Variants in NME7 observed in about 807,000 individuals in gnomAD.
NME7 encodes the protein NME/NM23 family member 7.
In NME7, 41 loss-of-function variants were observed where a neutral mutation model predicts 49.1. The ratio of observed to expected loss-of-function variants is 0.83; its 90% confidence interval spans 0.65 to 1.08. NME7 has a LOEUF of 1.08. NME7 is among the 50% of genes least tolerant of loss of function. NME7 has a pLI of 0.00. For synonymous variants in NME7, 139 were observed against 150.6 expected, an observed-to-expected ratio of 0.92 and a Z score of 0.56; for missense variants, 423 against 463.4, an observed-to-expected ratio of 0.91 and a Z score of 0.80.
At chr1:169,330,700 C>G (rs1437914331) in intron 1 of NME7, among the ~76,000 whole-genome samples, 1 of 151,730 alleles carries the variant, frequency 6.6e-6, no homozygotes, top group African/African-American at 2.4e-5. Flanking sequence ...TAAATAAAAT[C>G]CATTACAAAT....
intron 1 of NME7, among the ~76,000 whole-genome samples, chr1:169,348,383 A>G (rs1270551026): frequency 1.3e-5 from 2 of 150,048 alleles, no homozygotes; most frequent in Non-Finnish European, 3.0e-5. Context: ...AAAAAAACCC[A>G]CATTTTCAAG....
intron 10 of NME7, among the ~76,000 whole-genome samples, chr1:169,226,417 G>T (rs780199976): frequency 1.3e-5 from 2 of 152,104 alleles, no homozygotes; most frequent in Non-Finnish European, 2.9e-5. Flanking sequence ...AGAAAAGGGG[G>T]AAAGAAAAGA....
chr1:169,227,163 T>C (rs1289932482), intron 10 of NME7, among the ~76,000 whole-genome samples: 1 of 152,290 alleles, frequency 6.6e-6, no homozygotes, highest in East Asian at 1.9e-4. Flanking sequence ...GAGACTCTTC[T>C]TTCTATGATC....
intron 1 of NME7, among the ~76,000 whole-genome samples, chr1:169,357,056 T>TTTTTTGGA (rs1653491426): frequency 6.6e-6 from 1 of 152,090 alleles, no homozygotes; most frequent in Non-Finnish European, 1.5e-5. Flanking sequence ...ACAGCAAACA[T>TTTTTTGGA]TTTTTGGATG....
rs147705735 is a variant in NME7 at position 169,289,746 on chromosome 1, C to T, written c.649-2338G>A. On this transcript the variant is annotated intron_variant, in intron 6 of 11. Transcript: ENST00000367811. ...CCCAGATTTTCAAGTACCATATTTA[C>T]CTATGCTGAATAAATATTTATTTAT... is the stretch of plus-strand genomic sequence containing the variant. 2.2e-3 allele frequency among the ~76,000 whole-genome samples: 341 copies of T among 152,178 alleles called. 1 individual carries two copies. The highest frequency in any genetic ancestry group is 3.5e-3 in the Non-Finnish European group (237 of 68,002).
At chr1:169,175,864 C>A (rs954971614) in intron 10 of NME7, among the ~76,000 whole-genome samples, 4 of 152,108 alleles carry the variant, frequency 2.6e-5, no homozygotes, top group African/African-American at 7.2e-5. Flanking sequence ...AACAATGTTA[C>A]AATCATTGTC....
chr1:169,193,822 A>G (rs1306029183), intron 10 of NME7, among the ~76,000 whole-genome samples: 2 of 152,168 alleles, frequency 1.3e-5, no homozygotes, highest in African/African-American at 4.8e-5. Context: ...TATTTATTCT[A>G]AGAATAAAAA....
chr1:169,145,309 C>T (rs559573278), intron 11 of NME7, among the ~76,000 whole-genome samples: 42 of 152,294 alleles, frequency 2.8e-4, no homozygotes, highest in Non-Finnish European at 4.7e-4. Flanking sequence ...AGAAGAATTA[C>T]CATTCATTAC....
rs1039539368 is a variant in NME7, at chr1:169,256,615, G to A, written c.755-18928C>T. 1.4e-3 allele frequency among the ~76,000 whole-genome samples: 183 copies of A among 127,872 alleles called. 49 individuals carry two copies. Among genetic ancestry groups the A allele is most frequent in the Non-Finnish European group, 6.3e-4 (35 of 55,356 alleles). 83.9% of individuals were successfully genotyped at this position (127,872 alleles called of 152,430 possible). A position where few individuals can be genotyped will look rare whatever the true frequency, so the allele number is the denominator to read the frequency against. On this transcript the variant is annotated intron_variant, in intron 7 of 11. Coordinates refer to ENST00000367811, the MANE Select transcript of NME7 (RefSeq NM_013330.5). ...TGTTCCGTTGCCGGTGAGGAACTGC[G>A]TTCCTTTGGAGGAGGAGAGGCGCTC...
intron 7 of NME7, among the ~76,000 whole-genome samples, chr1:169,281,340 A>T (rs1416294312): frequency 6.6e-6 from 1 of 152,220 alleles, no homozygotes; most frequent in East Asian, 1.9e-4. Flanking sequence ...TATCAGCATA[A>T]GGAGGTTTTG....
intron 10 of NME7, among the ~76,000 whole-genome samples, chr1:169,190,258 G>A (rs1475521186): frequency 6.6e-6 from 1 of 151,972 alleles, no homozygotes; most frequent in Non-Finnish European, 1.5e-5. Flanking sequence ...ACACTATGCA[G>A]CTGTTAACAA....
At chr1:169,248,876 G>A (rs768773528) in intron 7 of NME7, among the ~76,000 whole-genome samples, 2 of 130,284 alleles carry the variant, frequency 1.5e-5, no homozygotes, top group African/African-American at 2.6e-5. Context: ...TGTAACTACA[G>A]CCTTGTGGCA....
intron 7 of NME7, among the ~76,000 whole-genome samples, chr1:169,258,989 C>T (rs1017030554): frequency 4.5e-5 from 6 of 133,554 alleles, no homozygotes; most frequent in East Asian, 2.0e-4. Flanking sequence ...ACCATTACTG[C>T]GAGTAAGGTC....
intron 10 of NME7, among the ~76,000 whole-genome samples, chr1:169,200,193 C>T (rs1313129593): frequency 1.3e-5 from 2 of 151,902 alleles, no homozygotes; most frequent in Admixed American, 6.6e-5. Context: ...CACTATATAA[C>T]GTGATAAGCA....
At chr1:169,294,571 A>C (rs1358889643) in intron 6 of NME7, among the ~76,000 whole-genome samples, 1 of 152,134 alleles carries the variant, frequency 6.6e-6, no homozygotes, top group African/African-American at 2.4e-5. Context: ...TCAATTTTTT[A>C]AGACCTGTGG....
At chr1:169,143,031 G>T (rs934378521) in intron 11 of NME7, among the ~76,000 whole-genome samples, 2 of 152,076 alleles carry the variant, frequency 1.3e-5, no homozygotes, top group African/African-American at 4.8e-5. Flanking sequence ...AAAGTACATG[G>T]TATCAATGTA....
chr1:169,294,515 A>G (rs1250654295), intron 6 of NME7, among the ~76,000 whole-genome samples: 18 of 152,202 alleles, frequency 1.2e-4, no homozygotes, highest in Admixed American at 1.2e-3. Flanking sequence ...TTCAAGGTAA[A>G]GAAGAGGCTG....
chr1:169,350,780 T>C (rs1219805432), intron 1 of NME7, among the ~76,000 whole-genome samples: 1 of 152,110 alleles, frequency 6.6e-6, no homozygotes. Context: ...ATTTCTTTCC[T>C]TCGTTTGGAA....
In NME7 at chr1:169,198,209, C is replaced by T. The variant is rs115906540; in HGVS notation, c.991-28655G>A. On this transcript the variant is annotated intron_variant, in intron 10 of 11. Coordinates refer to ENST00000367811, the MANE Select transcript of NME7 (RefSeq NM_013330.5). ...AATTAAAAAGTCATACTAACATATA[C>T]TGGTGAGAATATGGAGAAGTGAGAA... 2.0e-3 allele frequency among the ~76,000 whole-genome samples: 303 copies of T among 152,106 alleles called. 4 individuals are homozygous for T. Among genetic ancestry groups the T allele is most frequent in the African/African-American group, 7.1e-3 (294 of 41,548 alleles).
Sources: gnomAD v4.1 joint callset for allele counts (sites outside exome capture counted in the v4.1 genomes callset) on GRCh38, gnomAD v4.1.1 for gene constraint, MANE v1.5 for transcripts, NCBI Gene and HGNC (gene_info 2026-07-23, HGNC 2026-07-21) for gene names.